HNF4G: variants seen among roughly 807,000 people sequenced by gnomAD.
HNF4G encodes hepatocyte nuclear factor 4 gamma, also known as hepatocyte nuclear factor 4-gamma.
In HNF4G, 21 loss-of-function variants were observed where a neutral mutation model predicts 50.9. The observed-to-expected ratio is 0.41, with a 90% CI of 0.29 to 0.59. The LOEUF (loss-of-function observed/expected upper bound fraction) is 0.59. HNF4G is among the 20% of genes least tolerant of loss of function. HNF4G has a pLI of 0.26. For synonymous variants in HNF4G, 198 were observed against 185.6 expected (o/e 1.07, Z -0.54); for missense variants, 527 against 559.4 (o/e 0.94, Z 0.58).
At chr8:75,431,490 G>T (rs957066023) in intron 1 of HNF4G, among the ~76,000 whole-genome samples, 1 of 152,114 alleles carries the variant, frequency 6.6e-6, no homozygotes, top group Admixed American at 6.5e-5. Context: ...GTATATGATA[G>T]AAATGAATCT....
intron 3 of HNF4G, among the ~76,000 whole-genome samples, chr8:75,550,998 C>T (rs1002289607): frequency 4.6e-5 from 7 of 152,128 alleles, no homozygotes; most frequent in Admixed American, 2.0e-4. Flanking sequence ...ATCTATGACT[C>T]ATATTTTCTG....
chr8:75,503,340 A>C (rs1563531829), intron 2 of HNF4G, among the ~76,000 whole-genome samples: 1 of 144,302 alleles, frequency 6.9e-6, no homozygotes. Flanking sequence ...AATGAGTTAA[A>C]ACATGTAAAG....
At chr8:75,563,902 T>C (rs931032223) in intron 9 of HNF4G, 73 bp from the exon 10 acceptor site, 37 of 1,514,102 alleles carry the variant, frequency 2.4e-5, no homozygotes, top group Non-Finnish European at 3.2e-5. Context: ...TGTGTATTGG[T>C]GTTATGTAGG....
At chr8:75,415,884 G>A (rs894058836) in intron 1 of HNF4G, among the ~76,000 whole-genome samples, 1 of 152,108 alleles carries the variant, frequency 6.6e-6, no homozygotes, top group Non-Finnish European at 1.5e-5. Context: ...AATAGGGCAG[G>A]GGAGAGTGTC....
intron 5 of HNF4G, among the ~76,000 whole-genome samples, chr8:75,555,142 A>C (rs538051320): frequency 1.1e-4 from 16 of 152,154 alleles, no homozygotes; most frequent in Non-Finnish European, 1.6e-4. Context: ...TTCAGCCTGG[A>C]CTAGGGTGGT....
chr8:75,442,209 T>G (rs1311081239), intron 1 of HNF4G, among the ~76,000 whole-genome samples: 1 of 152,086 alleles, frequency 6.6e-6, no homozygotes, highest in Non-Finnish European at 1.5e-5. Context: ...AGAGTGGAGA[T>G]TTAATCAAGT....
intron 2 of HNF4G, among the ~76,000 whole-genome samples, chr8:75,546,613 G>A (rs372080396): frequency 5.9e-5 from 9 of 151,934 alleles, no homozygotes; most frequent in Non-Finnish European, 1.5e-5. Context: ...AAAATCATAC[G>A]ATATATGATC....
rs1167134228 is a variant in HNF4G at position 75,418,005 on chromosome 8, T to C, written c.-144+9843T>C. ...CACACACATATATTTTAGGTAGGAG[T>C]GTTAGTTTGCTAGGGCCGCCATAAC... On this transcript the variant is annotated intron_variant, in intron 1 of 10. Coordinates refer to the HNF4G transcript ENST00000354370. Among the ~76,000 whole-genome samples, 10 of 151,668 alleles carry C rather than the reference T, an allele frequency of 6.6e-5. No homozygotes were observed. The South Asian group carries it at 1.9e-3, about 28-fold the overall frequency.
chr8:75,547,054 C>T (rs1806801807), intron 2 of HNF4G, among the ~76,000 whole-genome samples: 1 of 152,018 alleles, frequency 6.6e-6, no homozygotes, highest in African/African-American at 2.4e-5. Flanking sequence ...TTTTGTTTAC[C>T]TGTGTGTAAA....
chr8:75,426,161 A>G (rs1054658881), intron 1 of HNF4G, among the ~76,000 whole-genome samples: 3 of 152,188 alleles, frequency 2.0e-5, no homozygotes, highest in Admixed American at 2.0e-4. Flanking sequence ...GCAACTATAT[A>G]ACTATTTTTT....
chr8:75,429,161 G>A (rs998966123), intron 1 of HNF4G, among the ~76,000 whole-genome samples: 5 of 152,130 alleles, frequency 3.3e-5, no homozygotes, highest in Admixed American at 6.5e-5. Context: ...CCATCACAGA[G>A]AGAGAATATA....
At chr8:75,499,091 G>T (rs760039157) in intron 2 of HNF4G, among the ~76,000 whole-genome samples, 3 of 152,058 alleles carry the variant, frequency 2.0e-5, no homozygotes, top group Non-Finnish European at 4.4e-5. Flanking sequence ...GTAAAACTAT[G>T]TCAATTTGCA....
chr8:75,455,309 C>T (rs1448468859), intron 1 of HNF4G, among the ~76,000 whole-genome samples: 1 of 151,754 alleles, frequency 6.6e-6, no homozygotes, highest in African/African-American at 2.4e-5. Flanking sequence ...TATACCTCTT[C>T]CAACTGTCTT....
At chr8:75,427,546 C>T (rs1810917005) in intron 1 of HNF4G, among the ~76,000 whole-genome samples, 1 of 150,852 alleles carries the variant, frequency 6.6e-6, no homozygotes, top group African/African-American at 2.4e-5. Context: ...CACTGCACGC[C>T]AACCTGGGTG....
intron 1 of HNF4G, among the ~76,000 whole-genome samples, chr8:75,468,142 C>T (rs1391506565): frequency 1.3e-5 from 2 of 152,106 alleles, no homozygotes; most frequent in Admixed American, 6.5e-5. Flanking sequence ...CTATTCCAAT[C>T]GCTTGCATTC....
intron 2 of HNF4G, among the ~76,000 whole-genome samples, chr8:75,525,485 T>A (rs1019897368): frequency 6.6e-6 from 1 of 152,170 alleles, no homozygotes; most frequent in African/African-American, 2.4e-5. Context: ...GTTTTTCTAA[T>A]AATATGTCAG....
At chr8:75,463,332 C>T (rs1811896259) in intron 1 of HNF4G, among the ~76,000 whole-genome samples, 1 of 152,054 alleles carries the variant, frequency 6.6e-6, no homozygotes, top group Admixed American at 6.6e-5. Flanking sequence ...CCTCGTCATT[C>T]CCTCACTTTG....
chr8:75,461,434 T>A (rs751304405), intron 1 of HNF4G, among the ~76,000 whole-genome samples: 1 of 152,160 alleles, frequency 6.6e-6, no homozygotes, highest in Non-Finnish European at 1.5e-5. Context: ...TTTTTCATCC[T>A]TTAAGGACCC....
intron 1 of HNF4G, among the ~76,000 whole-genome samples, chr8:75,444,243 C>T (rs1811365160): frequency 6.6e-6 from 1 of 151,918 alleles, no homozygotes; most frequent in African/African-American, 2.4e-5. Flanking sequence ...GATTTTGTCA[C>T]CACCAAGCCT....
Sources: gnomAD v4.1 joint callset for allele counts (sites outside exome capture counted in the v4.1 genomes callset) on GRCh38, gnomAD v4.1.1 for gene constraint, MANE v1.5 for transcripts, NCBI Gene and HGNC (gene_info 2026-07-23, HGNC 2026-07-21) for gene names.